The following TMPRSS7 variants were observed in gnomAD, a reference collection of about 807,000 sequenced individuals.
TMPRSS7 encodes the protein transmembrane serine protease 7, also known as transmembrane protease serine 7.
Under a neutral mutation model 95.6 loss-of-function variants are expected in TMPRSS7, and 81 were observed. That is an observed-to-expected ratio of 0.85 (90% CI 0.71 to 1.02). The LOEUF (loss-of-function observed/expected upper bound fraction) is 1.02. Among genes scored for constraint, TMPRSS7 ranks in the 50% least tolerant of loss-of-function variants. The pLI is 0.00. For missense variants in TMPRSS7, 945 were observed against 955.2 expected (o/e 0.99, Z 0.14); for synonymous variants, 364 against 337.8 (o/e 1.08, Z -0.85).
chr3:112,060,894 A>G (rs541781156), intron 10 of TMPRSS7, among the ~76,000 whole-genome samples: 3 of 152,366 alleles, frequency 2.0e-5, no homozygotes, highest in African/African-American at 7.2e-5. Context: ...CAGTAAAGAC[A>G]GGCATAAGAA....
chr3:112,075,584 G>A, intron 15 of TMPRSS7, 92 bp downstream of exon 15: 1 of 1,144,110 alleles, frequency 8.7e-7, no homozygotes. Context: ...TCCCTGTTGG[G>A]GACATTCAAT....
At chr3:112,058,571 T>C (rs766973117) in intron 10 of TMPRSS7, among the ~76,000 whole-genome samples, 18 of 152,228 alleles carry the variant, frequency 1.2e-4, no homozygotes, top group Admixed American at 1.1e-3. Flanking sequence ...GTTTTTGAAA[T>C]GACACTTGTT....
intron 13 of TMPRSS7, 98 bp downstream of exon 13, chr3:112,066,600 C>T (rs1373220868): frequency 1.2e-5 from 13 of 1,092,930 alleles, no homozygotes; most frequent in Admixed American, 2.0e-5. Flanking sequence ...GGGCAATCAA[C>T]TTGTCCCAGG....
At chr3:112,052,280 C>T (rs909987087) in intron 9 of TMPRSS7, among the ~76,000 whole-genome samples, 1 of 151,924 alleles carries the variant, frequency 6.6e-6, no homozygotes, top group Non-Finnish European at 1.5e-5. Context: ...ACGGAACTAA[C>T]CTTGTGAATA....
chr3:112,081,068 TC>T lies in TMPRSS7; in HGVS notation c.2519del (p.Pro840LeufsTer26), dbSNP rs1204704561. ...TTTGTTCCCTGGATTCATAAATATGTCCCTTCTCTTTTGTAATTGTACCAGT... is the reference window on the plus strand; with the variant it reads ...TTTGTTCCCTGGATTCATAAATATGTCCTTCTCTTTTGTAATTGTACCAGT... On this transcript the variant is annotated frameshift_variant, in exon 18 of 18. Transcript: ENST00000452346. LOFTEE classifies it high-confidence loss of function. 2 of 1,602,206 alleles carry T rather than the reference TC, an allele frequency of 1.2e-6. No individual in the cohort carries two copies. Among genetic ancestry groups the T allele is most frequent in the Non-Finnish European group, 1.7e-6 (2 of 1,176,562 alleles).
chr3:112,070,924 T>C (rs1330606535), intron 13 of TMPRSS7, among the ~76,000 whole-genome samples: 1 of 152,262 alleles, frequency 6.6e-6, no homozygotes, highest in East Asian at 1.9e-4. Context: ...GTCTTTTAAC[T>C]GGGGCATTTA....
intron 10 of TMPRSS7, among the ~76,000 whole-genome samples, chr3:112,060,282 C>T (rs1422275743): frequency 6.6e-6 from 1 of 151,824 alleles, no homozygotes; most frequent in Non-Finnish European, 1.5e-5. Context: ...GTTTCGGGCA[C>T]ACATTGTCAT....
chr3:112,044,115 G>A (rs1016031797), intron 3 of TMPRSS7, 140 bp from the exon 4 acceptor site: 2 of 579,932 alleles, frequency 3.4e-6, no homozygotes, highest in Non-Finnish European at 6.2e-6. Context: ...AATAATGCCG[G>A]GGTGTGGAGT....
At chr3:112,053,578 G>A (rs1277721171) in intron 9 of TMPRSS7, among the ~76,000 whole-genome samples, 1 of 152,202 alleles carries the variant, frequency 6.6e-6, no homozygotes, top group Non-Finnish European at 1.5e-5. Flanking sequence ...TGTTGAGTTT[G>A]TATTCTGTTG....
chr3:112,044,125 T>C (rs963187075), intron 3 of TMPRSS7, 130 bp from the exon 4 acceptor site: 19 of 626,494 alleles, frequency 3.0e-5, no homozygotes, highest in Non-Finnish European at 5.4e-5. Context: ...GGGTGTGGAG[T>C]TAGGAGCCTT....
At chr3:112,075,438 C>T in exon 15 of TMPRSS7, 2 of 1,550,960 alleles carry the variant, frequency 1.3e-6, no homozygotes, top group Admixed American at 1.9e-5. Context: ...TGTGGTGCCT[C>T]AGTCATCTCC....
intron 9 of TMPRSS7, among the ~76,000 whole-genome samples, chr3:112,055,348 T>C (rs910818807): frequency 6.6e-6 from 1 of 152,110 alleles, no homozygotes; most frequent in African/African-American, 2.4e-5. Flanking sequence ...TTGTGATGTT[T>C]AAGTGAGAAA....
intron 12 of TMPRSS7, among the ~76,000 whole-genome samples, chr3:112,065,576 T>A (rs909973142): frequency 6.6e-6 from 1 of 152,196 alleles, no homozygotes; most frequent in Non-Finnish European, 1.5e-5. Flanking sequence ...CATTGTGCCA[T>A]TTTTTGGAGC....
At chr3:112,059,451 C>T (rs1381285965) in intron 10 of TMPRSS7, among the ~76,000 whole-genome samples, 1 of 152,228 alleles carries the variant, frequency 6.6e-6, no homozygotes, top group Non-Finnish European at 1.5e-5. Context: ...CCTGTGATCT[C>T]TTTCCTCTTG....
At chr3:112,068,398 T>C (rs1010669060) in intron 13 of TMPRSS7, among the ~76,000 whole-genome samples, 6 of 152,266 alleles carry the variant, frequency 3.9e-5, no homozygotes, top group African/African-American at 1.4e-4. Context: ...GCATTGAATC[T>C]ATAAATTAGC....
rs6770127 is a variant in TMPRSS7 at position 112,065,912 on chromosome 3, A to G, written c.1556-480A>G. 3.0e-3 allele frequency among the ~76,000 whole-genome samples: 452 copies of G among 152,334 alleles called. 3 individuals carry two copies. Among genetic ancestry groups the G allele is most frequent in the Middle Eastern group, 0.01 (3 of 294 alleles). On this transcript the variant is annotated intron_variant, in intron 12 of 17. Coordinates refer to ENST00000452346, the Ensembl canonical transcript of TMPRSS7. ...AGAGACCACAGGGCCACATAAACCC[A>G]AAGTCTGTTATCCTTTAAGATCTCA...
At chr3:112,069,676 T>G (rs1287649617) in intron 13 of TMPRSS7, among the ~76,000 whole-genome samples, 1 of 151,618 alleles carries the variant, frequency 6.6e-6, no homozygotes, top group Non-Finnish European at 1.5e-5. Context: ...TGATATCCCC[T>G]TTATCATTTT....
chr3:112,076,810 G>A (rs754355349), intron 15 of TMPRSS7, 66 bp from the exon 16 acceptor site: 324 of 1,560,394 alleles, frequency 2.1e-4, no homozygotes, highest in Admixed American at 3.9e-4. Context: ...TCTTTAGAGT[G>A]CTTGTTTGCA....
At chr3:112,037,222 C>T (rs755601500) in intron 1 of TMPRSS7, among the ~76,000 whole-genome samples, 23 of 152,126 alleles carry the variant, frequency 1.5e-4, no homozygotes, top group Non-Finnish European at 2.9e-4. Context: ...AGAGAAATAT[C>T]GCTAAATTCT....
Sources: gnomAD v4.1 joint callset for allele counts (sites outside exome capture counted in the v4.1 genomes callset) on GRCh38, gnomAD v4.1.1 for gene constraint, MANE v1.5 for transcripts, NCBI Gene and HGNC (gene_info 2026-07-23, HGNC 2026-07-21) for gene names.